The following SCHIP1 variants were observed in gnomAD, a reference collection of about 807,000 sequenced individuals.
SCHIP1 encodes schwannomin-interacting protein 1.
In SCHIP1, 8 loss-of-function variants were observed where a neutral mutation model predicts 29.7. That is an observed-to-expected ratio of 0.27 (90% CI 0.16 to 0.49). The LOEUF is 0.49. Ranked by LOEUF, SCHIP1 falls within the 20% of genes least tolerant of loss-of-function variation. SCHIP1 has a pLI of 0.99. For synonymous variants in SCHIP1, 76 were observed against 94.9 expected (o/e 0.80, Z 1.16); for missense variants, 193 against 294.6 (o/e 0.66, Z 2.52).
At chr3:159,790,988 A>G in the SCHIP1 span, among the ~76,000 whole-genome samples, 3 of 152,186 alleles carry the variant, frequency 2.0e-5, no homozygotes, top group Admixed American at 2.0e-4. Flanking sequence ...GTTTGGCCCT[A>G]AAACCGCTTC....
At chr3:159,310,423 G>T in the SCHIP1 span, among the ~76,000 whole-genome samples, 1 of 151,930 alleles carries the variant, frequency 6.6e-6, no homozygotes, top group Non-Finnish European at 1.5e-5. Context: ...TCCTCATTAG[G>T]GTGCATATTT....
At chr3:159,334,020 A>T in the SCHIP1 span, among the ~76,000 whole-genome samples, 1 of 152,182 alleles carries the variant, frequency 6.6e-6, no homozygotes, top group African/African-American at 2.4e-5. Context: ...CAGTTTTAAA[A>T]CATATAGCTC....
the SCHIP1 span, among the ~76,000 whole-genome samples, chr3:159,724,510 G>A: frequency 6.6e-6 from 1 of 152,062 alleles, no homozygotes; most frequent in Admixed American, 6.6e-5. Context: ...ATTAATTTAT[G>A]GATTTTCAAA....
At chr3:159,735,480 T>G in the SCHIP1 span, among the ~76,000 whole-genome samples, 78 of 152,102 alleles carry the variant, frequency 5.1e-4, 1 homozygote, top group Admixed American at 7.9e-4. Flanking sequence ...TCTGCCCGCC[T>G]CAGCCTCCCA....
the SCHIP1 span, among the ~76,000 whole-genome samples, chr3:159,452,182 G>A: frequency 6.7e-6 from 1 of 150,060 alleles, no homozygotes; most frequent in African/African-American, 2.4e-5. Flanking sequence ...TGCAGAACAT[G>A]CAGGTTTGTT....
the SCHIP1 span, among the ~76,000 whole-genome samples, chr3:159,297,654 T>G: frequency 6.6e-6 from 1 of 152,198 alleles, no homozygotes; most frequent in Non-Finnish European, 1.5e-5. Context: ...AAAGCCCAGT[T>G]TTCTTTTACA....
chr3:159,533,491 ACAG>A, the SCHIP1 span, among the ~76,000 whole-genome samples: 2 of 152,130 alleles, frequency 1.3e-5, no homozygotes, highest in Non-Finnish European at 2.9e-5. Flanking sequence ...TTTTTTTCTC[ACAG>A]CAACCAATGA....
chr3:159,658,129 G>C, the SCHIP1 span, among the ~76,000 whole-genome samples: 4 of 152,178 alleles, frequency 2.6e-5, no homozygotes, highest in East Asian at 3.8e-4. Flanking sequence ...GTGATGAGAC[G>C]TGTGAATTCA....
the SCHIP1 span, among the ~76,000 whole-genome samples, chr3:159,476,552 T>C: frequency 6.6e-6 from 1 of 152,292 alleles, no homozygotes; most frequent in African/African-American, 2.4e-5. Context: ...AAGCTATCAG[T>C]GTGCACTATG....
chr3:159,823,608 C>T, the SCHIP1 span, among the ~76,000 whole-genome samples: 1 of 152,140 alleles, frequency 6.6e-6, no homozygotes, highest in Non-Finnish European at 1.5e-5. Flanking sequence ...ATTTCCCCTC[C>T]TATGAAGGGA....
the SCHIP1 span, among the ~76,000 whole-genome samples, chr3:159,726,577 C>T: frequency 1.3e-5 from 2 of 152,168 alleles, no homozygotes; most frequent in African/African-American, 4.8e-5. Context: ...CTAAAGCAAG[C>T]TGTCTTTTTG....
the SCHIP1 span, among the ~76,000 whole-genome samples, chr3:159,344,535 A>C: frequency 3.9e-5 from 6 of 152,200 alleles, no homozygotes; most frequent in Non-Finnish European, 8.8e-5. Flanking sequence ...CTCCCCAAAC[A>C]CACAATCCCA....
the SCHIP1 span, among the ~76,000 whole-genome samples, chr3:159,639,514 T>TGG: frequency 6.6e-6 from 1 of 152,132 alleles, no homozygotes; most frequent in Non-Finnish European, 1.5e-5. Context: ...ATCAGACCCA[T>TGG]AGAAAAGGTG....
the SCHIP1 span, among the ~76,000 whole-genome samples, chr3:159,375,513 G>A: frequency 2.0e-5 from 3 of 152,178 alleles, no homozygotes; most frequent in South Asian, 4.1e-4. Context: ...GAGGCAGGTG[G>A]ATCACGAGGT....
At chr3:159,562,367 G>A in the SCHIP1 span, among the ~76,000 whole-genome samples, 1 of 152,178 alleles carries the variant, frequency 6.6e-6, no homozygotes, top group Non-Finnish European at 1.5e-5. Flanking sequence ...CCAGAAGATT[G>A]TCCCACCTCC....
the SCHIP1 span, among the ~76,000 whole-genome samples, chr3:159,276,518 A>T: frequency 6.6e-6 from 1 of 152,306 alleles, no homozygotes; most frequent in East Asian, 1.9e-4. Context: ...TTTTGTCCTC[A>T]GTTACTACAT....
At chr3:159,443,187 T>C in the SCHIP1 span, among the ~76,000 whole-genome samples, 1 of 152,160 alleles carries the variant, frequency 6.6e-6, no homozygotes, top group Non-Finnish European at 1.5e-5. Flanking sequence ...GAAGAGGATG[T>C]TGGAAAAGTA....
At chr3:159,874,332 G>T (rs190777085) in intron 2 of SCHIP1, among the ~76,000 whole-genome samples, 173 of 152,302 alleles carry the variant, frequency 1.1e-3, no homozygotes, top group Non-Finnish European at 1.9e-3. Context: ...GAGAACTTTT[G>T]AGCAGCTGCT....
chr3:159,335,498 C>T, the SCHIP1 span, among the ~76,000 whole-genome samples: 1 of 152,144 alleles, frequency 6.6e-6, no homozygotes, highest in African/African-American at 2.4e-5. Context: ...CCCACTCCCC[C>T]CCAGTCCACA....
Sources: allele counts gnomAD v4.1 joint callset (sites outside exome capture counted in the v4.1 genomes callset), GRCh38; gene constraint gnomAD v4.1.1; transcripts MANE v1.5; gene names NCBI Gene and HGNC (gene_info 2026-07-23, HGNC 2026-07-21).